The following RYK variants were observed in gnomAD, a reference collection of about 807,000 sequenced individuals.
RYK encodes receptor like tyrosine kinase.
In RYK, 21 loss-of-function variants were observed where a neutral mutation model predicts 70.2. The ratio of observed to expected loss-of-function variants is 0.30; its 90% CI spans 0.21 to 0.43. The LOEUF (loss-of-function observed/expected upper bound fraction) is 0.43. Among genes scored for constraint, RYK ranks in the 20% least tolerant of loss-of-function variants. The probability of loss-of-function intolerance (pLI) is 1.00; values close to 1 mark genes in which losing one functional copy is unlikely to be tolerated. For synonymous variants in RYK, 267 were observed against 278.0 expected (o/e 0.96, Z 0.39); for missense variants, 604 against 753.3 (o/e 0.80, Z 2.32).
At chr3:134,187,986 G>A (rs969274454) in intron 9 of RYK, among the ~76,000 whole-genome samples, 4 of 151,802 alleles carry the variant, frequency 2.6e-5, no homozygotes, top group Admixed American at 1.3e-4. Flanking sequence ...AAATAACACT[G>A]TAGTATCTTG....
chr3:134,183,173 T>C (rs760393397), intron 9 of RYK, 102 bp from the exon 10 acceptor site: 8 of 559,098 alleles, frequency 1.4e-5, no homozygotes, highest in Non-Finnish European at 2.3e-5. Context: ...ATAAGGTACA[T>C]AGGTTTTCAT....
At chr3:134,228,330 C>T (rs1160903943) in intron 1 of RYK, among the ~76,000 whole-genome samples, 1 of 152,092 alleles carries the variant, frequency 6.6e-6, no homozygotes, top group Admixed American at 6.5e-5. Flanking sequence ...ACCCAGCAAT[C>T]GCACTACTGG....
intron 5 of RYK, among the ~76,000 whole-genome samples, chr3:134,207,204 T>C (rs1328566050): frequency 6.6e-6 from 1 of 152,226 alleles, no homozygotes; most frequent in African/African-American, 2.4e-5. Context: ...ACTTTAATTA[T>C]GACTACTCAA....
At chr3:134,237,557 A>G (rs888756304) in intron 1 of RYK, among the ~76,000 whole-genome samples, 4 of 152,200 alleles carry the variant, frequency 2.6e-5, no homozygotes, top group Admixed American at 6.5e-5. Context: ...TTAAGGCAAA[A>G]AAACAAAAGT....
chr3:134,235,969 A>T (rs187055505), intron 1 of RYK, among the ~76,000 whole-genome samples: 5 of 152,210 alleles, frequency 3.3e-5, no homozygotes, highest in African/African-American at 1.2e-4. Flanking sequence ...GCTGAGACAG[A>T]TCACTTCTAA....
intron 6 of RYK, among the ~76,000 whole-genome samples, chr3:134,196,848 A>G (rs1337972997): frequency 6.6e-6 from 1 of 152,178 alleles, no homozygotes; most frequent in Non-Finnish European, 1.5e-5. Flanking sequence ...ATGTCCTGCA[A>G]TAAACATTTG....
intron 13 of RYK, among the ~76,000 whole-genome samples, chr3:134,161,564 T>G (rs757765514): frequency 1.3e-5 from 2 of 152,078 alleles, no homozygotes; most frequent in Non-Finnish European, 2.9e-5. Flanking sequence ...AACAAAAAAT[T>G]TAAAATATCA....
chr3:134,223,444 AAC>A (rs1227150309), intron 1 of RYK, among the ~76,000 whole-genome samples: 1 of 152,202 alleles, frequency 6.6e-6, no homozygotes, highest in African/African-American at 2.4e-5. Flanking sequence ...GTGGCAAATC[AAC>A]AGTTACTGTT....
intron 2 of RYK, among the ~76,000 whole-genome samples, chr3:134,213,807 A>G (rs2014472980): frequency 6.6e-6 from 1 of 151,902 alleles, no homozygotes; most frequent in South Asian, 2.1e-4. Context: ...TTTGAAGTTT[A>G]TAACTTCTTT....
chr3:134,170,041 AAGGC>A (rs1456594383), intron 13 of RYK, among the ~76,000 whole-genome samples: 2 of 152,188 alleles, frequency 1.3e-5, no homozygotes, highest in Admixed American at 1.3e-4. Flanking sequence ...AAAAAACTAA[AAGGC>A]AGGACTTTTA....
chr3:134,227,436 C>G (rs1210175324), intron 1 of RYK, among the ~76,000 whole-genome samples: 5 of 151,626 alleles, frequency 3.3e-5, no homozygotes, highest in Non-Finnish European at 7.4e-5. Flanking sequence ...AATTTACATG[C>G]CAACAACGAT....
intron 1 of RYK, among the ~76,000 whole-genome samples, chr3:134,229,078 C>T (rs1402445197): frequency 6.6e-6 from 1 of 151,912 alleles, no homozygotes; most frequent in Non-Finnish European, 1.5e-5. Flanking sequence ...AAACCTTGAC[C>T]CCTATCTTAC....
At chr3:134,187,442 A>T (rs1250376395) in intron 9 of RYK, among the ~76,000 whole-genome samples, 1 of 152,182 alleles carries the variant, frequency 6.6e-6, no homozygotes, top group Non-Finnish European at 1.5e-5. Flanking sequence ...TTTAGATATT[A>T]TTAGCATGTC....
At chr3:134,169,127 T>G (rs2012801222) in intron 13 of RYK, among the ~76,000 whole-genome samples, 1 of 152,214 alleles carries the variant, frequency 6.6e-6, no homozygotes, top group African/African-American at 2.4e-5. Context: ...TAAAAGGATC[T>G]CTTCACTGCC....
chr3:134,183,048 T>G lies in RYK; in HGVS notation c.1126A>C (p.Thr376Pro). The G allele has an allele frequency of 6.3e-7, 1 of 1,588,904 alleles. No individual in the cohort carries two copies. The highest frequency in any genetic ancestry group is 8.6e-7 in the Non-Finnish European group (1 of 1,166,064). Reference protein sequence around the residue: ...VKDQASEIQVTMMLTESCKLR... With the variant: ...VKDQASEIQVPMMLTESCKLR... ...TTACAACTTTCAGTGAGCATCATTG[T>G]CACCTGAATTTCAGAAGCTTGATCT... Residue 376 changes from threonine to proline, a missense_variant, in exon 10 of 15, where the codon ACA becomes CCA. Physicochemically the swap from Thr to Pro is conservative, Grantham distance 38 (BLOSUM62 -1). This residue lies in a region of RYK where 466 missense variants were observed against 535.9 expected (regional missense o/e 0.87). Transcript: ENST00000623711.
At chr3:134,181,622 AG>A (rs1378123491) in intron 10 of RYK, 2 of 152,242 alleles carry the variant, frequency 1.3e-5, no homozygotes, top group African/African-American at 4.8e-5. Flanking sequence ...TAAAGTATAC[AG>A]AAACTATATT....
chr3:134,209,637 T>G, intron 4 of RYK, 58 bp downstream of exon 4: 1 of 1,250,906 alleles, frequency 8.0e-7, no homozygotes, highest in Non-Finnish European at 1.1e-6. Context: ...AACAACAAAC[T>G]CTATTTTTCA....
At chr3:134,204,648 AAAC>A (rs1213980852) in intron 5 of RYK, among the ~76,000 whole-genome samples, 4 of 150,408 alleles carry the variant, frequency 2.7e-5, no homozygotes, top group African/African-American at 9.8e-5. Flanking sequence ...AACTGAGAAA[AAAC>A]ACACAGCAAG....
intron 1 of RYK, 56 bp from the exon 2 acceptor site, chr3:134,222,595 C>G: frequency 7.4e-7 from 1 of 1,359,530 alleles, no homozygotes; most frequent in Non-Finnish European, 1.0e-6. Context: ...CAAAATCATC[C>G]CTATCAGTAT....
Sources: allele counts gnomAD v4.1 joint callset (sites outside exome capture counted in the v4.1 genomes callset), GRCh38; gene constraint gnomAD v4.1.1; regional missense constraint gnomAD v4.1.1; transcripts MANE v1.5; gene names NCBI Gene and HGNC (gene_info 2026-07-23, HGNC 2026-07-21).